FGF12: variants seen among roughly 807,000 people sequenced by gnomAD.
The protein encoded by FGF12 is fibroblast growth factor 12, also known as fibroblast growth factor 12B.
In FGF12, 14 loss-of-function variants were observed where a neutral mutation model predicts 23.6. That is an observed-to-expected ratio of 0.59 (90% CI 0.39 to 0.93). The LOEUF is 0.93. Ranked by LOEUF, FGF12 falls within the 40% of genes least tolerant of loss-of-function variation. The pLI, the probability that FGF12 is intolerant of heterozygous loss-of-function variation, is 0.00. For missense variants in FGF12, 175 were observed against 217.8 expected, an observed-to-expected ratio of 0.80 and a Z score of 1.24; for synonymous variants, 62 against 77.3, an observed-to-expected ratio of 0.80 and a Z score of 1.04.
chr3:192,446,923 T>C (rs1217779115), intron 2 of FGF12, among the ~76,000 whole-genome samples: 2 of 152,236 alleles, frequency 1.3e-5, no homozygotes, highest in Non-Finnish European at 2.9e-5. Context: ...TCACGTGTCC[T>C]GTCCTTTTAC....
chr3:192,640,009 A>T (rs113963078), intron 2 of FGF12, among the ~76,000 whole-genome samples: 3 of 145,792 alleles, frequency 2.1e-5, no homozygotes, highest in Admixed American at 6.8e-5. Context: ...ATGTAGAATT[A>T]AAAAAAAAAA....
intron 2 of FGF12, among the ~76,000 whole-genome samples, chr3:192,625,112 C>T (rs1715115489): frequency 6.6e-6 from 1 of 151,978 alleles, no homozygotes; most frequent in South Asian, 2.1e-4. Context: ...TAATCTTTTG[C>T]TTTTATAGAT....
intron 4 of FGF12, among the ~76,000 whole-genome samples, chr3:192,311,556 T>C (rs1715937788): frequency 6.6e-6 from 1 of 152,196 alleles, no homozygotes; most frequent in African/African-American, 2.4e-5. Context: ...TGATGGACAT[T>C]TGAATTGTTT....
chr3:192,697,941 TCTAAATTAATC>T (rs1718175718), intron 2 of FGF12, among the ~76,000 whole-genome samples: 1 of 151,676 alleles, frequency 6.6e-6, no homozygotes, highest in Non-Finnish European at 1.5e-5. Context: ...TAAGTAAAAT[TCTAAATTAATC>T]CGCTAATGTC....
At chr3:192,414,108 AGATGAAGG>A (rs1338322005) in intron 2 of FGF12, among the ~76,000 whole-genome samples, 1 of 152,222 alleles carries the variant, frequency 6.6e-6, no homozygotes, top group Non-Finnish European at 1.5e-5. Context: ...TTTATGACAT[AGATGAAGG>A]GTGGTATCAT....
chr3:192,309,733 GAT>G (rs1715839645), intron 4 of FGF12, among the ~76,000 whole-genome samples: 2 of 152,068 alleles, frequency 1.3e-5, no homozygotes, highest in African/African-American at 4.8e-5. Context: ...GGAAAGTTGA[GAT>G]ATATGAAATG....
At chr3:192,706,970 A>G (rs769671271) in intron 2 of FGF12, among the ~76,000 whole-genome samples, 35 of 152,248 alleles carry the variant, frequency 2.3e-4, no homozygotes, top group Non-Finnish European at 3.5e-4. Context: ...TGCAAAAGTA[A>G]CAGATGAATT....
chr3:192,461,176 T>TTGTTA (rs10669893), intron 2 of FGF12, among the ~76,000 whole-genome samples: 14,100 of 152,142 alleles, frequency 0.093, 2,185 homozygotes, highest in African/African-American at 0.31. Context: ...TGTAAAACAT[T>TTGTTA]TATTTTTGAA....
intron 2 of FGF12, among the ~76,000 whole-genome samples, chr3:192,693,387 T>C (rs1395099289): frequency 1.3e-5 from 2 of 152,184 alleles, no homozygotes; most frequent in Non-Finnish European, 2.9e-5. Flanking sequence ...TCTTATAATT[T>C]CACTTTTCAT....
At chr3:192,531,233 A>T (rs1392383842) in intron 2 of FGF12, among the ~76,000 whole-genome samples, 1 of 152,166 alleles carries the variant, frequency 6.6e-6, no homozygotes, top group Admixed American at 6.6e-5. Flanking sequence ...TGTCCACTCC[A>T]CATTGTAGAG....
chr3:192,531,150 G>A (rs764441452), intron 2 of FGF12, among the ~76,000 whole-genome samples: 28 of 152,156 alleles, frequency 1.8e-4, no homozygotes, highest in Non-Finnish European at 3.2e-4. Context: ...AAAAATATTG[G>A]ACAGCAAGAT....
chr3:192,546,190 T>A (rs995437129), intron 2 of FGF12, among the ~76,000 whole-genome samples: 7 of 152,152 alleles, frequency 4.6e-5, no homozygotes, highest in Non-Finnish European at 8.8e-5. Context: ...CCTCTCTGAG[T>A]CTCAGTTGTT....
chr3:192,535,613 G>C (rs1376044538), intron 2 of FGF12, among the ~76,000 whole-genome samples: 1 of 152,190 alleles, frequency 6.6e-6, no homozygotes, highest in Non-Finnish European at 1.5e-5. Context: ...AAGGATAGCT[G>C]TACAATCTCT....
intron 4 of FGF12, among the ~76,000 whole-genome samples, chr3:192,177,937 T>A (rs1715949164): frequency 6.6e-6 from 1 of 152,340 alleles, no homozygotes; most frequent in South Asian, 2.1e-4. Context: ...TTATAACACA[T>A]ATGAATTTGT....
chr3:192,258,523 T>C (rs1411563749), intron 4 of FGF12, among the ~76,000 whole-genome samples: 1 of 152,166 alleles, frequency 6.6e-6, no homozygotes, highest in Non-Finnish European at 1.5e-5. Flanking sequence ...TTGTTTATAA[T>C]AAAAACGTAT....
intron 2 of FGF12, among the ~76,000 whole-genome samples, chr3:192,606,987 C>G (rs570875986): frequency 1.3e-5 from 2 of 152,070 alleles, no homozygotes; most frequent in Non-Finnish European, 2.9e-5. Context: ...GCAGAGACAG[C>G]TTCAAGGACA....
chr3:192,171,772 A>G (rs1250316545), intron 4 of FGF12, among the ~76,000 whole-genome samples: 3 of 152,204 alleles, frequency 2.0e-5, no homozygotes, highest in South Asian at 2.1e-4. Context: ...CAAACCTGGA[A>G]TTAAGTTATT....
intron 2 of FGF12, among the ~76,000 whole-genome samples, chr3:192,488,184 C>A (rs984635093): frequency 1.3e-5 from 2 of 152,022 alleles, no homozygotes; most frequent in African/African-American, 4.8e-5. Flanking sequence ...TAATAAAATT[C>A]TTCATTAATT....
chr3:192,524,414 A>G (rs1004932954), intron 2 of FGF12, among the ~76,000 whole-genome samples: 1 of 152,240 alleles, frequency 6.6e-6, no homozygotes, highest in Non-Finnish European at 1.5e-5. Context: ...AGAAAAGGGC[A>G]TAGGAAAGAG....
Sources: gnomAD v4.1 joint callset for allele counts (sites outside exome capture counted in the v4.1 genomes callset) on GRCh38, gnomAD v4.1.1 for gene constraint, MANE v1.5 for transcripts, NCBI Gene and HGNC (gene_info 2026-07-23, HGNC 2026-07-21) for gene names.